NAMPT: variants seen among roughly 807,000 people sequenced by gnomAD.
NAMPT encodes nicotinamide phosphoribosyltransferase.
A neutral mutation model predicts 58.7 loss-of-function variants in NAMPT; 7 were observed. The observed-to-expected ratio is 0.12, with a 90% CI of 0.07 to 0.22. NAMPT has a LOEUF of 0.22. Among genes scored for constraint, NAMPT ranks in the 10% least tolerant of loss-of-function variants. The pLI is 1.00. For synonymous variants in NAMPT, 145 were observed against 198.1 expected (o/e 0.73, Z 2.25); for missense variants, 271 against 567.9 (o/e 0.48, Z 5.31).
chr7:106,252,274 G>T (rs2115717168), intron 10 of NAMPT, among the ~76,000 whole-genome samples: 1 of 152,056 alleles, frequency 6.6e-6, no homozygotes, highest in Middle Eastern at 3.4e-3. Flanking sequence ...TCAAATAATT[G>T]CCTAACAGGC....
intron 8 of NAMPT, among the ~76,000 whole-genome samples, chr7:106,258,089 C>A (rs1792239755): frequency 6.6e-6 from 1 of 152,170 alleles, no homozygotes; most frequent in South Asian, 2.1e-4. Context: ...TCTTCTATTT[C>A]TTTTTTCCTT....
At chr7:106,255,036 T>C (rs1792174277) in intron 8 of NAMPT, among the ~76,000 whole-genome samples, 1 of 152,186 alleles carries the variant, frequency 6.6e-6, no homozygotes, top group Non-Finnish European at 1.5e-5. Context: ...GTTGGTATAC[T>C]GGTAGAGTCA....
In NAMPT at chr7:106,268,509, G is replaced by A. The variant is rs148806435; in HGVS notation, c.698C>T (p.Thr233Met). ...AGAATAGCCTGGAACAGGATCTTTCGTTCCATAATATTTTTTAATTAGAGC... is the reference window on the plus strand; with the variant it reads ...AGAATAGCCTGGAACAGGATCTTTCATTCCATAATATTTTTTAATTAGAGC... ...GLALIKKYYGTKDPVPGYSVP... is the reference protein window; with the variant it reads ...GLALIKKYYGMKDPVPGYSVP... The change falls in exon 6 of 11, where the codon ACG (threonine) becomes ATG (methionine). Residue 233 changes from threonine to methionine, a missense_variant. By Grantham distance (81) the Thr-to-Met change is moderately conservative. Around this residue, in one of 4 missense-constraint regions of NAMPT, gnomAD observed 143 missense variants for 331.1 expected, o/e 0.43. Transcript: ENST00000222553. 71 of 1,613,684 alleles carry A rather than the reference G, an allele frequency of 4.4e-5. No homozygotes were observed. The highest frequency in any genetic ancestry group is 8.9e-5 in the East Asian group (4 of 44,854).
intron 6 of NAMPT, among the ~76,000 whole-genome samples, chr7:106,267,462 T>A (rs921613268): frequency 6.6e-6 from 1 of 152,194 alleles, no homozygotes; most frequent in African/African-American, 2.4e-5. Context: ...CAATTTTAAG[T>A]ATTAGCAGAA....
intron 8 of NAMPT, among the ~76,000 whole-genome samples, chr7:106,255,665 A>G (rs1470928370): frequency 6.6e-6 from 1 of 152,254 alleles, no homozygotes; most frequent in Non-Finnish European, 1.5e-5. Context: ...ATGAAAACAT[A>G]TAAAACTTAT....
At chr7:106,269,628 A>G (rs1586021190) in intron 4 of NAMPT, among the ~76,000 whole-genome samples, 4 of 152,358 alleles carry the variant, frequency 2.6e-5, no homozygotes, top group Admixed American at 2.6e-4. Context: ...ATCAATTTTT[A>G]GAAAGTTTCA....
chr7:106,263,842 A>G (rs573001317), intron 6 of NAMPT, among the ~76,000 whole-genome samples: 3 of 152,152 alleles, frequency 2.0e-5, no homozygotes, highest in Admixed American at 6.5e-5. Flanking sequence ...CTCCTCTTCA[A>G]TGGTTAAGTT....
chr7:106,261,369 G>A, intron 8 of NAMPT: 1 of 418,136 alleles, frequency 2.4e-6, no homozygotes, highest in Non-Finnish European at 4.4e-6. Context: ...TCATCATTCA[G>A]GGTGGCCAAT....
chr7:106,268,466 G>A lies in NAMPT; in HGVS notation c.741C>T (p.His247=). 1 of 1,601,594 alleles carries A rather than the reference G, an allele frequency of 6.2e-7. No individual in the cohort carries two copies. The highest frequency in any genetic ancestry group is 8.5e-7 in the Non-Finnish European group (1 of 1,176,334). ...VPGYSVPAAE[H]STITAWGKDH... ...AAAAAATGAACAGAATTTTTTACCT[G>A]TGTTCTGCTGCTGGAACAGAATAGC... Residue 247 remains histidine, a splice_region_variant and synonymous_variant, in exon 6 of 11, where the codon CAC becomes CAT. Transcript: ENST00000222553.
chr7:106,272,296 C>A, intron 4 of NAMPT: 1 of 345,614 alleles, frequency 2.9e-6, no homozygotes, highest in Non-Finnish European at 5.4e-6. Context: ...GTTTTAAAAA[C>A]AATCACTCTC....
upstream of NAMPT, chr7:106,285,099 C>G (rs1023081011): frequency 1.5e-6 from 2 of 1,350,056 alleles, no homozygotes; most frequent in Admixed American, 3.0e-5. Flanking sequence ...CTCGCGTGCT[C>G]GCAGTCTGGG....
chr7:106,254,144 T>C (rs1163132683), intron 9 of NAMPT, among the ~76,000 whole-genome samples: 1 of 152,148 alleles, frequency 6.6e-6, no homozygotes, highest in African/African-American at 2.4e-5. Flanking sequence ...AATAATCTTT[T>C]TCCTTATTGT....
At chr7:106,285,008 A>T, upstream of NAMPT, 4 of 1,366,492 alleles carry the variant, frequency 2.9e-6, no homozygotes, top group African/African-American at 1.5e-5. Flanking sequence ...GGAGGGGGAG[A>T]GGGGGAAACG....
Position 106,249,686 on chromosome 7 carries a change from C to T in NAMPT, c.*1397G>A, listed in dbSNP as rs570752640. 6.6e-6 allele frequency: 1 copy of T among 151,954 alleles called. No homozygotes were observed. Among genetic ancestry groups the T allele is most frequent in the Non-Finnish European group, 1.5e-5 (1 of 67,920 alleles). The allele number at this position is 151,954 out of a possible 1,614,324, so 9.4% of individuals were successfully genotyped here. ...TTTGGCTTCTATTGCAGCTGTTTAC[C>T]TTAGGCTGGAGTAGTGGGAAAGCAG... On this transcript the variant is annotated 3_prime_UTR_variant, in exon 11 of 11. Coordinates refer to ENST00000222553, the MANE Select transcript of NAMPT (RefSeq NM_005746.3).
intron 8 of NAMPT, among the ~76,000 whole-genome samples, chr7:106,256,162 G>A (rs1335938156): frequency 1.3e-5 from 2 of 152,172 alleles, no homozygotes; most frequent in Non-Finnish European, 2.9e-5. Flanking sequence ...CACTCCAATA[G>A]AAGTTTCAAT....
chr7:106,281,939 C>T (rs939528674), intron 1 of NAMPT, among the ~76,000 whole-genome samples: 2 of 152,164 alleles, frequency 1.3e-5, no homozygotes, highest in African/African-American at 4.8e-5. Flanking sequence ...ATTAATCTCC[C>T]TATGAAGTAT....
chr7:106,250,092 A>T lies in NAMPT; in HGVS notation c.*991T>A, dbSNP rs148677347. 11 of 152,490 alleles carry T rather than the reference A, an allele frequency of 7.2e-5. No homozygotes were observed. Among genetic ancestry groups the T allele is most frequent in the African/African-American group, 1.7e-4 (7 of 41,428 alleles). 9.4% of individuals were successfully genotyped at this position (152,490 alleles called of 1,614,324 possible). On this transcript the variant is annotated 3_prime_UTR_variant, in exon 11 of 11. Transcript: ENST00000222553. ...TTTTAAAAACTTAATAAAAAATATA[A>T]CAGAATTGAAACATTTAAGTACACT...
chr7:106,254,516 A>G lies in NAMPT; in HGVS notation c.1090-12T>C. 1 of 1,612,114 alleles carries G rather than the reference A, an allele frequency of 6.2e-7. No individual in the cohort carries two copies. The highest frequency in any genetic ancestry group is 8.5e-7 in the Non-Finnish European group (1 of 1,178,560). On this transcript the variant is annotated splice_polypyrimidine_tract_variant and intron_variant, in intron 8 of 10. Coordinates refer to ENST00000222553, the MANE Select transcript of NAMPT (RefSeq NM_005746.3). ...ATGCCTTCTACAATCTAGAAGATTA[A>G]AACAAAACAAAACCAAACCAAACCT...
At chr7:106,266,083 T>A (rs1792402772) in intron 6 of NAMPT, among the ~76,000 whole-genome samples, 1 of 152,196 alleles carries the variant, frequency 6.6e-6, no homozygotes, top group Admixed American at 6.5e-5. Flanking sequence ...ATAAGTGACT[T>A]GCCCAAGGCC....
Sources: gnomAD v4.1 joint callset for allele counts (sites outside exome capture counted in the v4.1 genomes callset) on GRCh38, gnomAD v4.1.1 for gene constraint, gnomAD v4.1.1 regional missense constraint, MANE v1.5 for transcripts, NCBI Gene and HGNC (gene_info 2026-07-23, HGNC 2026-07-21) for gene names.